Variants in PPM1H observed in about 807,000 individuals in gnomAD.
PPM1H encodes the protein protein phosphatase, Mg2+/Mn2+ dependent 1H.
PPM1H carries 27 observed loss-of-function variants against 54.9 expected under a neutral mutation model. That is an observed-to-expected ratio of 0.49 (90% CI 0.36 to 0.68). PPM1H has a LOEUF of 0.68. Ranked by LOEUF, PPM1H falls within the 30% of genes least tolerant of loss-of-function variation. The pLI is 0.00. For synonymous variants in PPM1H, 305 were observed against 270.8 expected (o/e 1.13, Z -1.24); for missense variants, 596 against 667.8 (o/e 0.89, Z 1.19).
intron 2 of PPM1H, among the ~76,000 whole-genome samples, chr12:62,826,896 C>G (rs1388864835): frequency 6.6e-6 from 1 of 152,172 alleles, no homozygotes; most frequent in African/African-American, 2.4e-5. Flanking sequence ...TATATGTCCA[C>G]TTTTCCCATC....
intron 9 of PPM1H, among the ~76,000 whole-genome samples, chr12:62,665,607 CTCTAA>C (rs369091634): frequency 7.5e-4 from 115 of 152,326 alleles, no homozygotes; most frequent in African/African-American, 2.7e-3. Flanking sequence ...CTTCAACTAG[CTCTAA>C]TCTGTTTAAT....
At chr12:62,917,791 C>T (rs1414056562) in intron 1 of PPM1H, among the ~76,000 whole-genome samples, 2 of 151,910 alleles carry the variant, frequency 1.3e-5, no homozygotes, top group African/African-American at 4.8e-5. Context: ...ATTCTTCATG[C>T]TGTAAAGGGT....
intron 4 of PPM1H, among the ~76,000 whole-genome samples, chr12:62,756,654 C>T (rs2076478048): frequency 6.6e-6 from 1 of 151,236 alleles, no homozygotes; most frequent in South Asian, 2.1e-4. Flanking sequence ...GGAATGTGGT[C>T]CTGAAAAGGT....
At chr12:62,658,382 G>C (rs1444492950) in intron 9 of PPM1H, among the ~76,000 whole-genome samples, 1 of 151,956 alleles carries the variant, frequency 6.6e-6, no homozygotes, top group Non-Finnish European at 1.5e-5. Flanking sequence ...TTCCCCTTCA[G>C]TAATAGTAAC....
chr12:62,826,495 C>T (rs1868292834), intron 2 of PPM1H, among the ~76,000 whole-genome samples: 1 of 152,104 alleles, frequency 6.6e-6, no homozygotes, highest in Admixed American at 6.6e-5. Flanking sequence ...TATTGCCACT[C>T]AATATAAGAA....
intron 3 of PPM1H, among the ~76,000 whole-genome samples, chr12:62,791,395 C>T (rs762011448): frequency 1.3e-5 from 2 of 152,068 alleles, no homozygotes; most frequent in Non-Finnish European, 2.9e-5. Context: ...AAACAGAACC[C>T]CAAACCCTAC....
chr12:62,869,912 T>C (rs527759196), intron 1 of PPM1H, among the ~76,000 whole-genome samples: 1 of 152,310 alleles, frequency 6.6e-6, no homozygotes, highest in East Asian at 1.9e-4. Flanking sequence ...GTTCACTTTT[T>C]ACAGGTTGCC....
intron 9 of PPM1H, among the ~76,000 whole-genome samples, chr12:62,663,313 T>C (rs952847513): frequency 6.6e-6 from 1 of 151,300 alleles, no homozygotes; most frequent in Middle Eastern, 3.2e-3. Context: ...AGGTGGGGCC[T>C]GAAAATCTGC....
intron 1 of PPM1H, among the ~76,000 whole-genome samples, chr12:62,916,784 C>T (rs1294620080): frequency 6.6e-6 from 1 of 152,008 alleles, no homozygotes; most frequent in African/African-American, 2.4e-5. Flanking sequence ...TATTCAAAAG[C>T]ACATTAGGGA....
Position 62,934,829 on chromosome 12 carries a change from G to T in PPM1H, c.-93C>A, listed in dbSNP as rs1048362418. 1.6e-6 allele frequency: 2 copies of T among 1,217,996 alleles called. No individual in the cohort carries two copies. Among genetic ancestry groups the T allele is most frequent in the Non-Finnish European group, 2.1e-6 (2 of 966,160 alleles). The allele number at this position is 1,217,996 out of a possible 1,614,324, so 75.4% of individuals were successfully genotyped here. A position where few individuals can be genotyped will look rare whatever the true frequency, so the allele number is the denominator to read the frequency against. On this transcript the variant is annotated 5_prime_UTR_variant, in exon 1 of 10. Coordinates refer to ENST00000228705, the MANE Select transcript of PPM1H (RefSeq NM_020700.2). This position sits in a 1 kb window ranked among gnomAD's most constrained non-coding sequence, Gnocchi z 4.2. ...GGGCATGCAGGCTGCGGTGGGCGCC[G>T]GGCGCACGGCGAGTCGGGCCACTGG...
At chr12:62,683,238 A>G (rs2076033164) in intron 8 of PPM1H, among the ~76,000 whole-genome samples, 1 of 151,988 alleles carries the variant, frequency 6.6e-6, no homozygotes, top group South Asian at 2.1e-4. Context: ...AAGTGAATAC[A>G]AGGAATCTTT....
chr12:62,644,982 G>A lies in PPM1H; in HGVS notation c.*3507C>T, dbSNP rs1034102021. The A allele has an allele frequency of 2.0e-5, 3 of 152,196 alleles. No individual in the cohort carries two copies. Among genetic ancestry groups the A allele is most frequent in the Non-Finnish European group, 4.4e-5 (3 of 68,038 alleles). 9.4% of individuals were successfully genotyped at this position (152,196 alleles called of 1,614,324 possible). ...ACTCTGAAAACAGCGGAGCTGCTGG[G>A]TCGCTTAAGGAAAGCTGAGAACCTC... On this transcript the variant is annotated 3_prime_UTR_variant, in exon 10 of 10. Coordinates refer to ENST00000228705, the MANE Select transcript of PPM1H (RefSeq NM_020700.2).
At position 62,837,355 on chromosome 12, in the gene PPM1H, T is replaced by C. The variant is rs116578627; in HGVS notation, c.246-5076A>G. Among the ~76,000 whole-genome samples, 767 of 152,330 alleles carry C rather than the reference T, an allele frequency of 5.0e-3. 9 individuals are homozygous for C. The highest frequency in any genetic ancestry group is 0.018 in the African/African-American group (730 of 41,578). On this transcript the variant is annotated intron_variant, in intron 1 of 9. Transcript: ENST00000228705. ...CATAGTGGTCCTGTCACAAAGGCCATTGGCCCCAGAATAGTTTTCAACAGA... is the reference window on the plus strand; with the variant it reads ...CATAGTGGTCCTGTCACAAAGGCCACTGGCCCCAGAATAGTTTTCAACAGA...
intron 9 of PPM1H, among the ~76,000 whole-genome samples, chr12:62,662,799 A>G (rs1229548117): frequency 6.6e-6 from 1 of 152,196 alleles, no homozygotes; most frequent in African/African-American, 2.4e-5. Flanking sequence ...TATTATCAGT[A>G]AATATCTTAG....
At chr12:62,794,957 T>G (rs2076723659) in intron 3 of PPM1H, among the ~76,000 whole-genome samples, 1 of 152,108 alleles carries the variant, frequency 6.6e-6, no homozygotes, top group Admixed American at 6.5e-5. Flanking sequence ...CTTTTCATAG[T>G]GGACACAGGA....
At chr12:62,893,303 G>A (rs1469538871) in intron 1 of PPM1H, among the ~76,000 whole-genome samples, 1 of 152,124 alleles carries the variant, frequency 6.6e-6, no homozygotes, top group Non-Finnish European at 1.5e-5. Flanking sequence ...GAGGCTAAAA[G>A]TCCAACATCA....
chr12:62,887,021 A>C (rs1457841627), intron 1 of PPM1H, among the ~76,000 whole-genome samples: 2 of 152,208 alleles, frequency 1.3e-5, no homozygotes, highest in East Asian at 3.9e-4. Context: ...GGGGGACAGG[A>C]AGTGAGACAG....
intron 3 of PPM1H, chr12:62,788,624 T>C (rs1043733142): frequency 1.7e-5 from 5 of 295,970 alleles, no homozygotes; most frequent in African/African-American, 8.5e-5. Flanking sequence ...ATTCAGTAAA[T>C]ATCACAGCTT....
At chr12:62,885,535 C>T (rs1870557910) in intron 1 of PPM1H, among the ~76,000 whole-genome samples, 1 of 152,178 alleles carries the variant, frequency 6.6e-6, no homozygotes, top group African/African-American at 2.4e-5. Context: ...ACCACAATCA[C>T]AGTGTGCTAG....
Sources: gnomAD v4.1 joint callset for allele counts (sites outside exome capture counted in the v4.1 genomes callset) on GRCh38, gnomAD v4.1.1 for gene constraint, Gnocchi (gnomAD v3.1) non-coding constraint, MANE v1.5 for transcripts, NCBI Gene and HGNC (gene_info 2026-07-23, HGNC 2026-07-21) for gene names.